The following TDP1 variants were observed in gnomAD, a reference collection of about 807,000 sequenced individuals.
TDP1 encodes tyr-DNA phosphodiesterase 1.
A neutral mutation model predicts 81.5 loss-of-function variants in TDP1; 64 were observed. The observed-to-expected ratio is 0.79, with a 90% CI of 0.64 to 0.97. The LOEUF (loss-of-function observed/expected upper bound fraction) is 0.97. Ranked by LOEUF, TDP1 falls within the 50% of genes least tolerant of loss-of-function variation. TDP1 has a pLI of 0.00. For missense variants in TDP1, 723 were observed against 743.8 expected, an observed-to-expected ratio of 0.97 and a Z score of 0.33; for synonymous variants, 256 against 264.3, an observed-to-expected ratio of 0.97 and a Z score of 0.30.
intron 15 of TDP1, chr14:90,022,863 A>G (rs185934675): frequency 1.7e-6 from 1 of 583,642 alleles, no homozygotes; most frequent in Admixed American, 6.3e-5. Flanking sequence ...ATACGTGCAC[A>G]GGAGTGAGAT....
Position 90,029,197 on chromosome 14 carries a change from T to A in TDP1, c.1645-3909T>A, listed in dbSNP as rs868830987. On this transcript the variant is annotated intron_variant, in intron 15 of 16. Transcript: ENST00000335725. ...TTTGATTTCCAGCCCTGCCATTATT[T>A]TTTTTTTTTTTTTTTTTTGAGACAG... is the stretch of plus-strand genomic sequence containing the variant. Among the ~76,000 whole-genome samples, 1,086 of 128,026 alleles carry A rather than the reference T, an allele frequency of 8.5e-3. 11 individuals carry two copies. The highest frequency in any genetic ancestry group is 0.029 in the African/African-American group (726 of 24,686). 84.0% of individuals were successfully genotyped at this position (128,026 alleles called of 152,430 possible). A position where few individuals can be genotyped will look rare whatever the true frequency, so the allele number is the denominator to read the frequency against.
chr14:89,991,800 T>C, intron 12 of TDP1, 117 bp from the exon 13 acceptor site: 1 of 1,223,480 alleles, frequency 8.2e-7, no homozygotes. Flanking sequence ...TAAGATGAAG[T>C]AATAGAAGTA....
At position 90,025,242 on chromosome 14, in the gene TDP1, G is replaced by C. The variant is rs1305648306; in HGVS notation, c.1644+5824G>C. Among the ~76,000 whole-genome samples, 4 of 152,318 alleles carry C rather than the reference G, an allele frequency of 2.6e-5. No individual in the cohort carries two copies. In the East Asian group the frequency reaches 5.8e-4, roughly 22 times the overall value. On this transcript the variant is annotated intron_variant, in intron 15 of 16. Coordinates refer to ENST00000335725, the MANE Select transcript of TDP1 (RefSeq NM_018319.4). ...GCCATGATTAGGACCTGTCACTCTG[G>C]AACCAAGTTGCCGTGTGATGTGACA...
intron 14 of TDP1, among the ~76,000 whole-genome samples, chr14:90,007,504 G>A (rs150016998): frequency 9.9e-5 from 15 of 152,182 alleles, no homozygotes; most frequent in Admixed American, 3.3e-4. Flanking sequence ...CATGAAAATC[G>A]CTTGAACCCA....
intron 14 of TDP1, among the ~76,000 whole-genome samples, chr14:89,995,676 G>C (rs1896600603): frequency 1.3e-5 from 2 of 152,138 alleles, no homozygotes; most frequent in South Asian, 4.1e-4. Context: ...TGGACATTTT[G>C]TTTTGTCTGT....
Position 89,963,266 on chromosome 14 carries a change from C to T in TDP1, c.152C>T (p.Ala51Val). Reference protein sequence around the residue: ...ANEPRYTCSEAQKAAHKRKIS... With the variant: ...ANEPRYTCSEVQKAAHKRKIS... ...GAGCCCAGGTACACCTGTTCCGAGG[C>T]CCAGAAAGCTGCACACAAGAGGAAA... The change falls in exon 3 of 17, where the codon GCC becomes GTC. Residue 51 changes from alanine (A) to valine (V), a missense_variant. Physicochemically the swap from Ala to Val is moderately conservative, Grantham distance 64. Coordinates refer to ENST00000335725, the MANE Select transcript of TDP1 (RefSeq NM_018319.4). 1 of 1,614,096 alleles carries T rather than the reference C, an allele frequency of 6.2e-7. No homozygotes were observed. The highest frequency in any genetic ancestry group is 2.2e-5 in the East Asian group (1 of 44,892).
intron 14 of TDP1, among the ~76,000 whole-genome samples, chr14:90,009,678 A>G (rs1246280321): frequency 1.3e-5 from 2 of 152,250 alleles, no homozygotes; most frequent in Non-Finnish European, 2.9e-5. Context: ...TTAAGGAAGA[A>G]GTAAAACTAT....
chr14:89,959,357 A>G (rs1203394502), intron 2 of TDP1, among the ~76,000 whole-genome samples: 4 of 152,244 alleles, frequency 2.6e-5, no homozygotes, highest in East Asian at 3.8e-4. Context: ...GCTGGGCACC[A>G]GAGCCTCTAT....
In TDP1 at chr14:89,972,767, ATTTC is replaced by A. The variant is rs542404528; in HGVS notation, c.756+1500_756+1503del. On this transcript the variant is annotated intron_variant, in intron 6 of 16. Coordinates refer to ENST00000335725, the MANE Select transcript of TDP1 (RefSeq NM_018319.4). ...GCTGGTGTAATAGTCACCTTTTCCT[ATTTC>A]TTTTGGCTGTATTCGTTTGTTATGA... Among the ~76,000 whole-genome samples the A allele has an allele frequency of 1.8e-4, 27 of 152,266 alleles. No homozygotes were observed. In the South Asian group the frequency reaches 5.4e-3, roughly 30 times the overall value.
chr14:89,958,757 G>A (rs1891974471), intron 2 of TDP1, among the ~76,000 whole-genome samples: 1 of 152,336 alleles, frequency 6.6e-6, no homozygotes, highest in African/African-American at 2.4e-5. Context: ...GCTTTAAACT[G>A]TCTTTGGTTT....
intron 14 of TDP1, among the ~76,000 whole-genome samples, chr14:90,006,377 T>G (rs1897686864): frequency 6.6e-6 from 1 of 152,178 alleles, no homozygotes; most frequent in Non-Finnish European, 1.5e-5. Flanking sequence ...CCCAAGATTC[T>G]TCAACATCTG....
chr14:90,043,375 G>A lies in TDP1; in HGVS notation c.*232G>A. ...TATATGTTTTGGAAAGAAAATTAGT[G>A]AACTTCTCTATGTTAAAAATACGTA... On this transcript the variant is annotated 3_prime_UTR_variant, in exon 17 of 17. Transcript: ENST00000335725. 1.7e-6 allele frequency: 1 copy of A among 595,680 alleles called. No individual in the cohort carries two copies. Among genetic ancestry groups the A allele is most frequent in the Non-Finnish European group, 3.0e-6 (1 of 337,560 alleles). The allele number at this position is 595,680 out of a possible 1,614,324, so 36.9% of individuals were successfully genotyped here.
chr14:90,013,464 C>G (rs1027111029), intron 14 of TDP1, among the ~76,000 whole-genome samples: 10 of 152,182 alleles, frequency 6.6e-5, no homozygotes, highest in Non-Finnish European at 1.2e-4. Context: ...CCTGCACACG[C>G]TCTCTTGCCT....
At chr14:90,034,788 A>G (rs1056140592) in intron 16 of TDP1, among the ~76,000 whole-genome samples, 10 of 152,214 alleles carry the variant, frequency 6.6e-5, no homozygotes, top group African/African-American at 2.2e-4. Context: ...TTTTAATGAC[A>G]TCACTCATTG....
intron 15 of TDP1, chr14:90,032,562 A>T (rs1887405692): frequency 5.3e-6 from 1 of 187,360 alleles, no homozygotes; most frequent in Admixed American, 6.5e-5. Flanking sequence ...ACCCTGATTA[A>T]GATCTAAAAT....
Position 89,997,358 on chromosome 14 carries a change from G to C in TDP1, c.1541+3875G>C, listed in dbSNP as rs34056492. 6.3e-3 allele frequency among the ~76,000 whole-genome samples: 954 copies of C among 152,280 alleles called. 9 individuals carry two copies. The highest frequency in any genetic ancestry group is 0.022 in the African/African-American group (926 of 41,542). ...CTGCCTAGACTGCATAATGGAACAT[G>C]GGAGGGCCCTCAAAGGTGATTCCTG... On this transcript the variant is annotated intron_variant, in intron 14 of 16. Coordinates refer to ENST00000335725, the MANE Select transcript of TDP1 (RefSeq NM_018319.4).
intron 15 of TDP1, among the ~76,000 whole-genome samples, chr14:90,029,991 C>G (rs1887098820): frequency 6.6e-6 from 1 of 152,210 alleles, no homozygotes; most frequent in African/African-American, 2.4e-5. Flanking sequence ...CACAGTAGCC[C>G]TATGAATTAG....
chr14:89,968,829 G>A (rs982415854), intron 5 of TDP1, among the ~76,000 whole-genome samples: 1 of 152,142 alleles, frequency 6.6e-6, no homozygotes, highest in Non-Finnish European at 1.5e-5. Context: ...TCTGTTATGA[G>A]TTAAATTATC....
intron 5 of TDP1, among the ~76,000 whole-genome samples, chr14:89,969,878 T>TTC (rs1169813427): frequency 1.5e-5 from 2 of 133,960 alleles, no homozygotes; most frequent in African/African-American, 6.8e-5. Context: ...ACTTATTTCT[T>TTC]TTTTTTTTTT....
Sources: allele counts gnomAD v4.1 joint callset (sites outside exome capture counted in the v4.1 genomes callset), GRCh38; gene constraint gnomAD v4.1.1; transcripts MANE v1.5; gene names NCBI Gene and HGNC (gene_info 2026-07-23, HGNC 2026-07-21).